RBFOX1: variants seen among roughly 807,000 people sequenced by gnomAD.
The protein encoded by RBFOX1 is RNA binding protein fox-1 homolog 1.
In RBFOX1, 8 loss-of-function variants were observed where a neutral mutation model predicts 57.7. That is an observed-to-expected ratio of 0.14 (90% CI 0.08 to 0.25). RBFOX1 has a LOEUF of 0.25. RBFOX1 is among the 10% of genes least tolerant of loss of function. The pLI is 1.00. For missense variants in RBFOX1, 611 were observed against 548.5 expected, an observed-to-expected ratio of 1.11 and a Z score of -1.14; for synonymous variants, 326 against 222.4, an observed-to-expected ratio of 1.47 and a Z score of -4.15.
rs75493682 is a variant in RBFOX1 at position 5,370,763 on chromosome 16, G to A, written c.220-96453G>A. 6.1e-3 allele frequency among the ~76,000 whole-genome samples: 931 copies of A among 152,164 alleles called. 10 individuals are homozygous for A. The highest frequency in any genetic ancestry group is 0.021 in the African/African-American group (883 of 41,490). ...CCACCTTGGCCTCCCAGAGTGCTGG[G>A]ATTATGGCTGTGAGCCAGCATGCCT... On this transcript the variant is annotated intron_variant, in intron 1 of 2. Transcript: ENST00000585867.
intron 1 of RBFOX1, among the ~76,000 whole-genome samples, chr16:5,450,140 A>G (rs1000911163): frequency 1.3e-5 from 2 of 152,208 alleles, no homozygotes; most frequent in African/African-American, 4.8e-5. Flanking sequence ...GAGAGGTGGC[A>G]TGCCCAAAGT....
intron 4 of RBFOX1, among the ~76,000 whole-genome samples, chr16:5,999,407 A>G (rs2060547771): frequency 6.6e-6 from 1 of 152,238 alleles, no homozygotes; most frequent in African/African-American, 2.4e-5. Context: ...GAAACCTTTC[A>G]TAGCATCTTG....
At chr16:6,812,924 G>A (rs8049698) in intron 3 of RBFOX1, among the ~76,000 whole-genome samples, 84,591 of 151,766 alleles carry the variant, frequency 0.56, 24,201 homozygotes, top group African/African-American at 0.67. Flanking sequence ...GGTCATTGCT[G>A]TCTTTCTTTG....
intron 1 of RBFOX1, among the ~76,000 whole-genome samples, chr16:5,285,451 A>G (rs959928068): frequency 1.2e-4 from 18 of 152,180 alleles, no homozygotes; most frequent in African/African-American, 4.3e-4. Flanking sequence ...CAGGCATTTC[A>G]TAGATTTTCT....
At chr16:6,792,797 G>A (rs933164118) in intron 3 of RBFOX1, among the ~76,000 whole-genome samples, 5 of 152,174 alleles carry the variant, frequency 3.3e-5, no homozygotes, top group Non-Finnish European at 4.4e-5. Flanking sequence ...CTGGGAGGCC[G>A]AGGCAGATGG....
At chr16:5,473,078 C>G (rs1303802991) in intron 2 of RBFOX1, among the ~76,000 whole-genome samples, 1 of 152,204 alleles carries the variant, frequency 6.6e-6, no homozygotes, top group African/African-American at 2.4e-5. Flanking sequence ...CCCGAGGAGA[C>G]TTTGATGACT....
intron 4 of RBFOX1, among the ~76,000 whole-genome samples, chr16:6,012,552 T>G (rs1424125): frequency 6.6e-6 from 1 of 152,042 alleles, no homozygotes; most frequent in Non-Finnish European, 1.5e-5. Flanking sequence ...AAAGGGTTAT[T>G]TGGCTCAAAA....
At chr16:5,926,207 T>G (rs188271727) in intron 4 of RBFOX1, among the ~76,000 whole-genome samples, 10 of 152,238 alleles carry the variant, frequency 6.6e-5, no homozygotes, top group African/African-American at 2.4e-4. Flanking sequence ...AAATGAGATA[T>G]GCGTATAATT....
At chr16:7,619,139 A>T (rs1428222774) in intron 10 of RBFOX1, among the ~76,000 whole-genome samples, 1 of 152,216 alleles carries the variant, frequency 6.6e-6, no homozygotes, top group Admixed American at 6.5e-5. Flanking sequence ...TGCAAAGGTT[A>T]ATCGATGCAC....
intron 4 of RBFOX1, among the ~76,000 whole-genome samples, chr16:7,509,056 G>C (rs2074257466): frequency 6.6e-6 from 1 of 152,192 alleles, no homozygotes; most frequent in Admixed American, 6.5e-5. Context: ...TTTAAATAAA[G>C]AGGCTGCCTT....
chr16:6,812,655 G>A (rs1371199832), intron 3 of RBFOX1, among the ~76,000 whole-genome samples: 1 of 152,110 alleles, frequency 6.6e-6, no homozygotes, highest in Non-Finnish European at 1.5e-5. Flanking sequence ...GGGATTACAG[G>A]CGTGAGCTAC....
At chr16:6,978,882 T>C (rs1039077837) in intron 3 of RBFOX1, among the ~76,000 whole-genome samples, 1 of 152,204 alleles carries the variant, frequency 6.6e-6, no homozygotes, top group Non-Finnish European at 1.5e-5. Context: ...GCCCTGATGA[T>C]GCTTTCGGAT....
chr16:6,864,030 C>T (rs115126562), intron 3 of RBFOX1, among the ~76,000 whole-genome samples: 1 of 145,504 alleles, frequency 6.9e-6, no homozygotes, highest in African/African-American at 2.6e-5. Context: ...TGCAAAACCT[C>T]TAATTAACCT....
At chr16:5,828,984 G>A (rs2056171225) in intron 3 of RBFOX1, among the ~76,000 whole-genome samples, 3 of 152,184 alleles carry the variant, frequency 2.0e-5, no homozygotes, top group Admixed American at 2.0e-4. Context: ...CCCACAGGCT[G>A]CAGTTGAAGT....
chr16:5,911,818 T>A (rs1475760809), intron 4 of RBFOX1, among the ~76,000 whole-genome samples: 1 of 152,112 alleles, frequency 6.6e-6, no homozygotes. Context: ...AGGACTTCTT[T>A]TATAAGGCCA....
At chr16:6,808,769 G>C (rs1030675184) in intron 3 of RBFOX1, among the ~76,000 whole-genome samples, 31 of 151,916 alleles carry the variant, frequency 2.0e-4, no homozygotes, top group African/African-American at 7.0e-4. Context: ...TCTGGGTCTG[G>C]GTATTAACTG....
chr16:7,027,600 A>G (rs998001281), intron 3 of RBFOX1, among the ~76,000 whole-genome samples: 30 of 152,150 alleles, frequency 2.0e-4, no homozygotes, highest in African/African-American at 7.0e-4. Flanking sequence ...ATACCCAGCC[A>G]GGGAACAAGA....
chr16:6,436,751 G>T (rs2094246747), intron 2 of RBFOX1, among the ~76,000 whole-genome samples: 2 of 152,042 alleles, frequency 1.3e-5, no homozygotes. Context: ...TTTCCGAGAT[G>T]TAGTAGTAAC....
intron 3 of RBFOX1, among the ~76,000 whole-genome samples, chr16:6,692,364 T>A (rs1180759868): frequency 6.6e-6 from 1 of 152,134 alleles, no homozygotes; most frequent in African/African-American, 2.4e-5. Context: ...ACCTAGATCC[T>A]TGAAGTCATT....
Sources: allele counts gnomAD v4.1 joint callset (sites outside exome capture counted in the v4.1 genomes callset), GRCh38; gene constraint gnomAD v4.1.1; transcripts MANE v1.5; gene names NCBI Gene and HGNC (gene_info 2026-07-23, HGNC 2026-07-21).